Variants in SLC24A2 observed in about 807,000 individuals in gnomAD.
SLC24A2 encodes solute carrier family 24 member 2.
Under a neutral mutation model 62.0 loss-of-function variants are expected in SLC24A2, and 36 were observed. The ratio of observed to expected loss-of-function variants is 0.58; its 90% CI spans 0.44 to 0.77. SLC24A2 has a LOEUF of 0.77. Ranked by LOEUF, SLC24A2 falls within the 30% of genes least tolerant of loss-of-function variation. The pLI is 0.00. For synonymous variants in SLC24A2, 358 were observed against 294.0 expected, an observed-to-expected ratio of 1.22 and a Z score of -2.23; for missense variants, 846 against 817.9, an observed-to-expected ratio of 1.03 and a Z score of -0.42.
At chr9:19,596,845 A>G (rs1390376120) in intron 5 of SLC24A2, among the ~76,000 whole-genome samples, 2 of 152,214 alleles carry the variant, frequency 1.3e-5, no homozygotes, top group African/African-American at 4.8e-5. Flanking sequence ...GAAAACCACC[A>G]GAAAATACAT....
the SLC24A2 span, among the ~76,000 whole-genome samples, chr9:20,246,127 T>C: frequency 6.6e-6 from 1 of 151,690 alleles, no homozygotes; most frequent in Non-Finnish European, 1.5e-5. Context: ...AGATTTCTAA[T>C]AAATAGCTAA....
At chr9:19,578,995 A>G (rs886230040) in intron 5 of SLC24A2, among the ~76,000 whole-genome samples, 1 of 152,134 alleles carries the variant, frequency 6.6e-6, no homozygotes, top group African/African-American at 2.4e-5. Context: ...GGAGAAAAGG[A>G]GGTTGGTGTG....
intron 8 of SLC24A2, among the ~76,000 whole-genome samples, chr9:19,531,396 T>C (rs967204178): frequency 5.3e-5 from 8 of 152,170 alleles, no homozygotes; most frequent in Non-Finnish European, 1.2e-4. Context: ...ATGGTTATAG[T>C]AATGGGGGTT....
chr9:19,717,114 T>C (rs1320604629), intron 2 of SLC24A2, among the ~76,000 whole-genome samples: 4 of 152,212 alleles, frequency 2.6e-5, no homozygotes, highest in South Asian at 2.1e-4. Context: ...TCCCGACATA[T>C]GAGGTGGACT....
chr9:20,231,153 G>C, the SLC24A2 span, among the ~76,000 whole-genome samples: 1 of 152,162 alleles, frequency 6.6e-6, no homozygotes, highest in Non-Finnish European at 1.5e-5. Context: ...AGTATACTTT[G>C]AAGTCAGGTA....
At chr9:20,168,380 C>T in the SLC24A2 span, among the ~76,000 whole-genome samples, 4 of 151,682 alleles carry the variant, frequency 2.6e-5, no homozygotes, top group Non-Finnish European at 5.9e-5. Flanking sequence ...TAGATAAATA[C>T]AACTTCATCA....
At chr9:19,636,334 T>TCTTTCTTTCTTTCTTC (rs1818340195) in intron 2 of SLC24A2, among the ~76,000 whole-genome samples, 1 of 25,918 alleles carries the variant, frequency 3.9e-5, no homozygotes, top group African/African-American at 1.8e-4. Flanking sequence ...TTTCTTTCTT[T>TCTTTCTTTCTTTCTTC]CTTTCTTTCT....
the SLC24A2 span, among the ~76,000 whole-genome samples, chr9:20,261,731 A>ATTT: frequency 1.1e-5 from 1 of 89,480 alleles, no homozygotes; most frequent in South Asian, 5.8e-4. Context: ...AAAACACCAA[A>ATTT]TCTTTTTTTT....
At position 19,597,292 on chromosome 9, in the gene SLC24A2, A is replaced by C; in HGVS notation, c.1079-13T>G. On this transcript the variant is annotated splice_polypyrimidine_tract_variant and intron_variant, in intron 4 of 10. Transcript: ENST00000341998. ...TATGATCCAAGTTCTACAACATCAC[A>C]GTAAAAGACACAAAGATAAGGAACG... 6.6e-7 allele frequency: 1 copy of C among 1,523,844 alleles called. No individual in the cohort carries two copies. Among genetic ancestry groups the C allele is most frequent in the South Asian group, 1.1e-5 (1 of 89,220 alleles). 94.4% of individuals were successfully genotyped at this position (1,523,844 alleles called of 1,614,324 possible). A position where few individuals can be genotyped will look rare whatever the true frequency, so the allele number is the denominator to read the frequency against.
the SLC24A2 span, among the ~76,000 whole-genome samples, chr9:20,123,136 A>G: frequency 6.6e-6 from 1 of 152,196 alleles, no homozygotes; most frequent in East Asian, 1.9e-4. Context: ...CAGATTCAGT[A>G]TCTAGTGAAG....
chr9:19,638,060 T>C (rs1005887713), intron 2 of SLC24A2, among the ~76,000 whole-genome samples: 1 of 152,222 alleles, frequency 6.6e-6, no homozygotes, highest in Non-Finnish European at 1.5e-5. Flanking sequence ...ATAAGCATTC[T>C]CAATCCATTT....
chr9:19,848,351 G>C, the SLC24A2 span, among the ~76,000 whole-genome samples: 8 of 152,028 alleles, frequency 5.3e-5, no homozygotes, highest in East Asian at 3.9e-4. Flanking sequence ...TCAAAGTTTG[G>C]CTCTGTTATC....
chr9:19,975,920 T>TTTGTTTGTTTG, the SLC24A2 span, among the ~76,000 whole-genome samples: 56 of 84,932 alleles, frequency 6.6e-4, no homozygotes, highest in Admixed American at 1.0e-3. Context: ...TTGTTTGTTT[T>TTTGTTTGTTTG]TTTGAGACAG....
intron 2 of SLC24A2, among the ~76,000 whole-genome samples, chr9:19,762,051 C>T (rs968433248): frequency 8.5e-5 from 13 of 152,216 alleles, no homozygotes; most frequent in East Asian, 7.7e-4. Context: ...CCTGAGGAAT[C>T]GACACACTGA....
the SLC24A2 span, among the ~76,000 whole-genome samples, chr9:20,298,963 C>T: frequency 6.6e-6 from 1 of 152,170 alleles, no homozygotes; most frequent in Non-Finnish European, 1.5e-5. Context: ...CAGGGAGGAT[C>T]CTAGAGGACA....
the SLC24A2 span, among the ~76,000 whole-genome samples, chr9:20,001,943 T>C: frequency 2.0e-5 from 3 of 152,168 alleles, no homozygotes; most frequent in African/African-American, 7.2e-5. Context: ...CACATAAGAA[T>C]ACTAAAGGTA....
intron 2 of SLC24A2, among the ~76,000 whole-genome samples, chr9:19,715,925 GAA>G (rs1820847330): frequency 6.6e-6 from 1 of 152,138 alleles, no homozygotes; most frequent in South Asian, 2.1e-4. Context: ...TGGGGGAGAA[GAA>G]AAGTTTTCTC....
the SLC24A2 span, among the ~76,000 whole-genome samples, chr9:20,292,894 G>A: frequency 6.6e-6 from 1 of 152,214 alleles, no homozygotes; most frequent in Non-Finnish European, 1.5e-5. Flanking sequence ...ACCTGGCCCT[G>A]TCTCACAGTT....
the SLC24A2 span, among the ~76,000 whole-genome samples, chr9:19,893,641 T>G: frequency 1.3e-5 from 2 of 152,350 alleles, no homozygotes; most frequent in South Asian, 4.1e-4. Context: ...GTCCTCATTT[T>G]TATATATAGG....
Sources: allele counts gnomAD v4.1 joint callset (sites outside exome capture counted in the v4.1 genomes callset), GRCh38; gene constraint gnomAD v4.1.1; transcripts MANE v1.5; gene names NCBI Gene and HGNC (gene_info 2026-07-23, HGNC 2026-07-21).